Variants in TIMM17A observed in about 807,000 individuals in gnomAD.
The protein encoded by TIMM17A is translocase of inner mitochondrial membrane 17A, also known as mitochondrial import inner membrane translocase subunit Tim17-A.
TIMM17A carries 15 observed loss-of-function variants against 26.5 expected under a neutral mutation model. The ratio of observed to expected loss-of-function variants is 0.57; its 90% CI spans 0.38 to 0.87. The LOEUF is 0.87. Among genes scored for constraint, TIMM17A ranks in the 40% least tolerant of loss-of-function variants. TIMM17A has a pLI of 0.00. For missense variants in TIMM17A, 201 were observed against 210.0 expected (o/e 0.96, Z 0.27); for synonymous variants, 80 against 70.8 (o/e 1.13, Z -0.66).
chr1:201,961,529 C>T (rs1037061408), intron 3 of TIMM17A, among the ~76,000 whole-genome samples: 37 of 152,088 alleles, frequency 2.4e-4, no homozygotes, highest in Admixed American at 2.6e-4. Context: ...AGCCATTTCT[C>T]CAAAGAGCCC....
In TIMM17A at chr1:201,963,673, T is replaced by C. The variant is rs1332472535; in HGVS notation, c.248T>C (p.Val83Ala). Residue 83 changes from valine to alanine, a missense_variant, in exon 4 of 6, where the codon GTC (valine) becomes GCC (alanine). Val to Ala is a moderately conservative substitution (Grantham distance 64, BLOSUM62 0). Transcript: ENST00000367287. ...FSMIDCSMVQVRGKEDPWNSI... is the reference protein window; with the variant it reads ...FSMIDCSMVQARGKEDPWNSI... ...ATGATTGACTGTAGTATGGTTCAAG[T>C]CAGAGGAAAGGAAGATCCCTGGAAC... 5 of 1,611,490 alleles carry C rather than the reference T, an allele frequency of 3.1e-6. No individual in the cohort carries two copies. Among genetic ancestry groups the C allele is most frequent in the Non-Finnish European group, 4.2e-6 (5 of 1,179,290 alleles).
chr1:201,970,516 A>G lies in TIMM17A; in HGVS notation c.*962A>G, dbSNP rs1682717664. ...ATTTGCCTACATCTGTGGGAAATGG[A>G]GAACAAAGCCATGTGGGTACTGTAA... is the stretch of plus-strand genomic sequence containing the variant. On this transcript the variant is annotated 3_prime_UTR_variant, in exon 6 of 6. Coordinates refer to ENST00000367287, the MANE Select transcript of TIMM17A (RefSeq NM_006335.3). 1 of 152,212 alleles carries G rather than the reference A, an allele frequency of 6.6e-6. No individual in the cohort carries two copies. The highest frequency in any genetic ancestry group is 2.1e-4 in the South Asian group (1 of 4,830). 9.4% of individuals were successfully genotyped at this position (152,212 alleles called of 1,614,324 possible).
chr1:201,957,713 C>T, intron 3 of TIMM17A, 139 bp downstream of exon 3: 1 of 612,112 alleles, frequency 1.6e-6, no homozygotes, highest in Non-Finnish European at 2.7e-6. Flanking sequence ...CCTATAGTTT[C>T]TTCTTGATTT....
At chr1:201,966,991 T>TTGTGTG (rs759557626) in intron 5 of TIMM17A, among the ~76,000 whole-genome samples, 72 of 133,080 alleles carry the variant, frequency 5.4e-4, no homozygotes, top group African/African-American at 1.6e-3. Flanking sequence ...ATTATATATG[T>TTGTGTG]TGTGTGTGTG....
intron 4 of TIMM17A, among the ~76,000 whole-genome samples, chr1:201,965,002 A>T (rs542504956): frequency 4.4e-4 from 67 of 151,428 alleles, no homozygotes; most frequent in Non-Finnish European, 7.7e-4. Flanking sequence ...CCCAGGCTGG[A>T]GTGCAGTGGC....
intron 3 of TIMM17A, chr1:201,962,196 T>C (rs1427964975): frequency 6.6e-6 from 1 of 152,154 alleles, no homozygotes; most frequent in Non-Finnish European, 1.5e-5. Flanking sequence ...AATTCTAATA[T>C]ACCTAGACGT....
At chr1:201,959,836 AC>A (rs1246647998) in intron 3 of TIMM17A, among the ~76,000 whole-genome samples, 5 of 151,140 alleles carry the variant, frequency 3.3e-5, no homozygotes, top group African/African-American at 7.3e-5. Context: ...ACAAAAAAAA[AC>A]AACAACAAAA....
At chr1:201,960,122 G>A (rs933764958) in intron 3 of TIMM17A, among the ~76,000 whole-genome samples, 50 of 152,220 alleles carry the variant, frequency 3.3e-4, no homozygotes, top group African/African-American at 1.1e-3. Flanking sequence ...TGTGTCGGCC[G>A]GGCACAGTGG....
At chr1:201,955,884 C>A (rs531116714) in intron 1 of TIMM17A, among the ~76,000 whole-genome samples, 11 of 152,198 alleles carry the variant, frequency 7.2e-5, no homozygotes, top group Admixed American at 3.3e-4. Context: ...TTATAATCCC[C>A]CCTGTTCGTC....
At chr1:201,969,366 A>C in intron 5 of TIMM17A, 103 bp from the exon 6 acceptor site, 1 of 902,792 alleles carries the variant, frequency 1.1e-6, no homozygotes, top group Non-Finnish European at 1.7e-6. Flanking sequence ...TTAATTTAGC[A>C]CATTTTTTTG....
chr1:201,967,330 A>T (rs10800802), intron 5 of TIMM17A, among the ~76,000 whole-genome samples: 120,200 of 151,796 alleles, frequency 0.79, 47,783 homozygotes, highest in Non-Finnish European at 0.83. Flanking sequence ...AACACTCTGT[A>T]GTGATGGTCA....
intron 3 of TIMM17A, among the ~76,000 whole-genome samples, chr1:201,960,917 T>C (rs1317897950): frequency 6.6e-6 from 1 of 151,880 alleles, no homozygotes; most frequent in Non-Finnish European, 1.5e-5. Flanking sequence ...GCCGGGATAA[T>C]TTTTGTATTT....
chr1:201,961,677 C>T (rs1028750572), intron 3 of TIMM17A, among the ~76,000 whole-genome samples: 2 of 151,904 alleles, frequency 1.3e-5, no homozygotes, highest in Admixed American at 6.6e-5. Context: ...AGAGAGAATG[C>T]CTCTCTACAA....
intron 3 of TIMM17A, 109 bp downstream of exon 3, chr1:201,957,683 G>A (rs1682440806): frequency 1.1e-5 from 10 of 921,776 alleles, no homozygotes; most frequent in African/African-American, 1.7e-5. Context: ...TGGTCTAACG[G>A]TTTGTCACAA....
intron 1 of TIMM17A, among the ~76,000 whole-genome samples, chr1:201,956,409 G>T (rs1396170377): frequency 1.3e-5 from 2 of 152,146 alleles, no homozygotes; most frequent in Non-Finnish European, 2.9e-5. Flanking sequence ...TTGTGAAAGT[G>T]CCCAGGACCT....
intron 4 of TIMM17A, among the ~76,000 whole-genome samples, chr1:201,964,144 A>G (rs1483095716): frequency 6.6e-6 from 1 of 152,178 alleles, no homozygotes. Context: ...AATATACAGT[A>G]TATGGTGATT....
At chr1:201,957,822 CAGA>C in intron 3 of TIMM17A, 1 of 414,470 alleles carries the variant, frequency 2.4e-6, no homozygotes, top group East Asian at 4.6e-5. Flanking sequence ...TTTCCTTCTC[CAGA>C]AGAAAGACAG....
intron 5 of TIMM17A, among the ~76,000 whole-genome samples, chr1:201,968,807 C>G (rs1053411871): frequency 3.3e-5 from 5 of 152,014 alleles, no homozygotes; most frequent in African/African-American, 1.2e-4. Flanking sequence ...CCCTCTTTCT[C>G]TCTTCCTTCC....
intron 3 of TIMM17A, among the ~76,000 whole-genome samples, chr1:201,962,014 C>G (rs1682543070): frequency 6.6e-6 from 1 of 152,026 alleles, no homozygotes; most frequent in East Asian, 1.9e-4. Context: ...GCTCTGGATC[C>G]TCACACCAGG....
Sources: allele counts gnomAD v4.1 joint callset (sites outside exome capture counted in the v4.1 genomes callset), GRCh38; gene constraint gnomAD v4.1.1; transcripts MANE v1.5; gene names NCBI Gene and HGNC (gene_info 2026-07-23, HGNC 2026-07-21).